The following PRKG1 variants were observed in gnomAD, a reference collection of about 807,000 sequenced individuals.
The protein encoded by PRKG1 is cGMP-dependent protein kinase 1.
Under a neutral mutation model 88.1 loss-of-function variants are expected in PRKG1, and 35 were observed. The observed-to-expected ratio is 0.40, with a 90% CI of 0.30 to 0.53. The LOEUF (loss-of-function observed/expected upper bound fraction) is 0.53. PRKG1 is among the 20% of genes least tolerant of loss of function. PRKG1 has a pLI of 0.59. For synonymous variants in PRKG1, 303 were observed against 292.5 expected (o/e 1.04, Z -0.37); for missense variants, 540 against 839.8 (o/e 0.64, Z 4.41).
chr10:51,425,154 G>A (rs542335075), intron 2 of PRKG1, among the ~76,000 whole-genome samples: 1 of 152,046 alleles, frequency 6.6e-6, no homozygotes, highest in Admixed American at 6.6e-5. Context: ...TTAACTCTGA[G>A]AACTATATAT....
intron 1 of PRKG1, among the ~76,000 whole-genome samples, chr10:51,090,334 G>A (rs1844369337): frequency 6.6e-6 from 1 of 152,140 alleles, no homozygotes; most frequent in Non-Finnish European, 1.5e-5. Flanking sequence ...CAAGGTCCTG[G>A]AGTAGAGCCC....
chr10:51,851,597 T>G (rs997259961), intron 4 of PRKG1, among the ~76,000 whole-genome samples: 1 of 152,226 alleles, frequency 6.6e-6, no homozygotes, highest in Non-Finnish European at 1.5e-5. Context: ...TTTAAATGTA[T>G]TACCTATTCC....
intron 5 of PRKG1, among the ~76,000 whole-genome samples, chr10:51,946,106 G>A (rs4309107): frequency 0.33 from 50,243 of 151,830 alleles, 9,029 homozygotes; most frequent in East Asian, 0.65. Flanking sequence ...CCAATCAGAC[G>A]TAGATTTGGT....
intron 5 of PRKG1, among the ~76,000 whole-genome samples, chr10:51,930,482 CT>C (rs902438171): frequency 2.9e-4 from 37 of 127,996 alleles, no homozygotes; most frequent in Middle Eastern, 4.0e-3. Context: ...TTAAAAGAAC[CT>C]TTTTTTTTCC....
At chr10:52,174,581 G>A (rs771579446) in intron 9 of PRKG1, among the ~76,000 whole-genome samples, 21 of 151,916 alleles carry the variant, frequency 1.4e-4, no homozygotes, top group Non-Finnish European at 2.2e-4. Flanking sequence ...CAAAGAGATA[G>A]TATAAAACTA....
intron 3 of PRKG1, among the ~76,000 whole-genome samples, chr10:51,480,261 CGTAA>C: frequency 6.6e-6 from 1 of 152,204 alleles, no homozygotes; most frequent in East Asian, 1.9e-4. Flanking sequence ...AGATACATTT[CGTAA>C]ACTGACACTC....
chr10:51,801,463 A>G (rs948499512), intron 3 of PRKG1, among the ~76,000 whole-genome samples: 2 of 152,174 alleles, frequency 1.3e-5, no homozygotes, highest in African/African-American at 4.8e-5. Context: ...CTACCTCTGT[A>G]CTAGATCACA....
chr10:51,238,306 C>G (rs1234045991), intron 2 of PRKG1, among the ~76,000 whole-genome samples: 1 of 152,086 alleles, frequency 6.6e-6, no homozygotes, highest in Non-Finnish European at 1.5e-5. Flanking sequence ...ATTGGCCCGG[C>G]GAGATGGCTC....
intron 5 of PRKG1, among the ~76,000 whole-genome samples, chr10:51,979,894 G>A (rs2454559): frequency 1.1e-4 from 17 of 151,564 alleles, no homozygotes; most frequent in Admixed American, 2.6e-4. Context: ...TTTTTTATTA[G>A]TCTAGCTAGC....
chr10:52,065,364 G>C (rs939523420), intron 7 of PRKG1, among the ~76,000 whole-genome samples: 1 of 152,136 alleles, frequency 6.6e-6, no homozygotes, highest in Non-Finnish European at 1.5e-5. Flanking sequence ...TTTACTCCTA[G>C]CATATGGGAA....
intron 2 of PRKG1, among the ~76,000 whole-genome samples, chr10:51,452,008 C>T (rs1399974571): frequency 6.6e-6 from 1 of 151,814 alleles, no homozygotes; most frequent in African/African-American, 2.4e-5. Flanking sequence ...TATAATTGAA[C>T]AATTACTATG....
intron 5 of PRKG1, among the ~76,000 whole-genome samples, chr10:51,953,872 G>A (rs998426534): frequency 6.6e-6 from 1 of 151,972 alleles, no homozygotes; most frequent in Non-Finnish European, 1.5e-5. Flanking sequence ...TCTTGGTTGT[G>A]ACAATCAATA....
intron 5 of PRKG1, among the ~76,000 whole-genome samples, chr10:52,043,828 A>T (rs192417966): frequency 1.3e-5 from 2 of 151,936 alleles, no homozygotes; most frequent in East Asian, 3.9e-4. Context: ...CATCAATTAA[A>T]AGAAAAACTT....
chr10:51,757,759 G>A (rs1478202913), intron 3 of PRKG1, among the ~76,000 whole-genome samples: 1 of 152,116 alleles, frequency 6.6e-6, no homozygotes, highest in Non-Finnish European at 1.5e-5. Context: ...AAAATGATAT[G>A]TTCTGGATAT....
chr10:51,298,878 T>C (rs1840795028), intron 2 of PRKG1, among the ~76,000 whole-genome samples: 1 of 152,116 alleles, frequency 6.6e-6, no homozygotes, highest in Admixed American at 6.5e-5. Context: ...CAACAAAAGG[T>C]TGGAAGCTTG....
intron 4 of PRKG1, among the ~76,000 whole-genome samples, chr10:51,811,444 T>C (rs1839453188): frequency 6.6e-6 from 1 of 152,138 alleles, no homozygotes; most frequent in African/African-American, 2.4e-5. Context: ...TTAATTGTAT[T>C]TTATCATATT....
At chr10:51,279,797 A>G (rs1457129746) in intron 2 of PRKG1, among the ~76,000 whole-genome samples, 2 of 152,194 alleles carry the variant, frequency 1.3e-5, no homozygotes, top group Admixed American at 6.5e-5. Flanking sequence ...TCCTGAATAC[A>G]GCACACTGAT....
At chr10:51,933,662 A>G (rs1218769455) in intron 5 of PRKG1, among the ~76,000 whole-genome samples, 1 of 152,098 alleles carries the variant, frequency 6.6e-6, no homozygotes, top group African/African-American at 2.4e-5. Flanking sequence ...AAAGAAACAA[A>G]AAAATTTGTG....
chr10:51,677,258 A>G (rs559142833), intron 3 of PRKG1, among the ~76,000 whole-genome samples: 1 of 152,308 alleles, frequency 6.6e-6, no homozygotes, highest in South Asian at 2.1e-4. Context: ...CATATACCAT[A>G]AAACCCACTC....
Sources: gnomAD v4.1 joint callset for allele counts (sites outside exome capture counted in the v4.1 genomes callset) on GRCh38, gnomAD v4.1.1 for gene constraint, MANE v1.5 for transcripts, NCBI Gene and HGNC (gene_info 2026-07-23, HGNC 2026-07-21) for gene names.